The following CDH13 variants were observed in gnomAD, a reference collection of about 807,000 sequenced individuals.
CDH13 encodes the protein cadherin-13.
A neutral mutation model predicts 63.8 loss-of-function variants in CDH13; 24 were observed. That is an observed-to-expected ratio of 0.38 (90% confidence interval 0.27 to 0.53). The LOEUF is 0.53. Ranked by LOEUF, CDH13 falls within the 20% of genes least tolerant of loss-of-function variation. The pLI is 0.85. For synonymous variants in CDH13, 503 were observed against 355.3 expected (o/e 1.42, Z -4.67); for missense variants, 1,049 against 903.1 (o/e 1.16, Z -2.07).
intron 1 of CDH13, among the ~76,000 whole-genome samples, chr16:82,842,112 G>GTATATATATATATATA (rs1239169050): frequency 8.5e-5 from 5 of 58,964 alleles, no homozygotes; most frequent in South Asian, 4.9e-4. Context: ...ATATATATAT[G>GTATATATATATATATA]TATATATATA....
chr16:82,740,471 G>A (rs1049581123), intron 1 of CDH13, among the ~76,000 whole-genome samples: 2 of 152,212 alleles, frequency 1.3e-5, no homozygotes, highest in African/African-American at 4.8e-5. Context: ...GGTGGAATAT[G>A]CCAGTGTATC....
At chr16:82,666,199 C>G (rs546688289) in intron 1 of CDH13, among the ~76,000 whole-genome samples, 14 of 152,230 alleles carry the variant, frequency 9.2e-5, no homozygotes, top group Admixed American at 7.8e-4. Context: ...ATGTGTTTAT[C>G]CTTAGGTGTT....
chr16:83,559,824 T>G (rs1416082549), intron 7 of CDH13, among the ~76,000 whole-genome samples: 1 of 152,170 alleles, frequency 6.6e-6, no homozygotes, highest in Non-Finnish European at 1.5e-5. Context: ...ACAGCGTCTT[T>G]TTGAAACTTG....
chr16:82,965,430 C>G (rs2151353662), intron 2 of CDH13, among the ~76,000 whole-genome samples: 1 of 152,348 alleles, frequency 6.6e-6, no homozygotes, highest in Non-Finnish European at 1.5e-5. Context: ...TTGGATGAGA[C>G]TATCAATGTA....
intron 5 of CDH13, among the ~76,000 whole-genome samples, chr16:83,274,029 G>A (rs1293147393): frequency 1.3e-5 from 2 of 152,054 alleles, no homozygotes; most frequent in African/African-American, 2.4e-5. Flanking sequence ...CACTTACCTG[G>A]GGTTAAGCTC....
At chr16:83,348,673 T>A (rs1409376849) in intron 6 of CDH13, among the ~76,000 whole-genome samples, 2 of 152,238 alleles carry the variant, frequency 1.3e-5, no homozygotes, top group African/African-American at 4.8e-5. Context: ...TAGAGCTGTG[T>A]TTGACGCTGT....
intron 4 of CDH13, among the ~76,000 whole-genome samples, chr16:83,128,816 T>C (rs922647625): frequency 6.6e-6 from 1 of 152,202 alleles, no homozygotes; most frequent in Non-Finnish European, 1.5e-5. Flanking sequence ...AGCTGAGGAC[T>C]CACTTCTTCT....
intron 8 of CDH13, among the ~76,000 whole-genome samples, chr16:83,664,616 C>T (rs1168157581): frequency 6.6e-6 from 1 of 151,554 alleles, no homozygotes; most frequent in East Asian, 1.9e-4. Flanking sequence ...TGTTCTCATA[C>T]GTTTTCTTCT....
intron 5 of CDH13, among the ~76,000 whole-genome samples, chr16:83,306,316 G>A (rs2089877969): frequency 6.6e-6 from 1 of 152,288 alleles, no homozygotes; most frequent in African/African-American, 2.4e-5. Context: ...GGGGGTGTCG[G>A]GAGCGGGGAG....
At chr16:83,749,392 T>C (rs566294743) in intron 11 of CDH13, among the ~76,000 whole-genome samples, 2 of 152,146 alleles carry the variant, frequency 1.3e-5, no homozygotes, top group African/African-American at 4.8e-5. Flanking sequence ...GAAAGACGGG[T>C]AGGATTCGGA....
At chr16:82,687,369 G>C (rs1324752169) in intron 1 of CDH13, among the ~76,000 whole-genome samples, 1 of 152,152 alleles carries the variant, frequency 6.6e-6, no homozygotes, top group East Asian at 1.9e-4. Context: ...GTCTATGTGG[G>C]TGTATTAGTC....
chr16:83,508,680 A>C (rs991631941), intron 7 of CDH13, among the ~76,000 whole-genome samples: 3 of 152,260 alleles, frequency 2.0e-5, no homozygotes, highest in Non-Finnish European at 4.4e-5. Context: ...GTCCACAGAG[A>C]TAATCTGCCC....
chr16:83,010,592 T>A (rs1914050117), intron 2 of CDH13, among the ~76,000 whole-genome samples: 2 of 152,186 alleles, frequency 1.3e-5, no homozygotes, highest in Non-Finnish European at 2.9e-5. Flanking sequence ...ACTTTGAAAT[T>A]TCTGTTGCAC....
intron 1 of CDH13, among the ~76,000 whole-genome samples, chr16:82,853,826 A>G (rs2039586299): frequency 6.6e-6 from 1 of 152,244 alleles, no homozygotes; most frequent in African/African-American, 2.4e-5. Context: ...GGCATTAAAG[A>G]TAAATTTGGA....
intron 1 of CDH13, among the ~76,000 whole-genome samples, chr16:82,748,058 G>T (rs1479051974): frequency 6.6e-6 from 1 of 151,994 alleles, no homozygotes; most frequent in African/African-American, 2.4e-5. Flanking sequence ...AATGCCTTCC[G>T]TGGGTCCAGA....
At chr16:83,398,969 T>C (rs1050052975) in intron 6 of CDH13, among the ~76,000 whole-genome samples, 1 of 152,220 alleles carries the variant, frequency 6.6e-6, no homozygotes, top group Admixed American at 6.5e-5. Context: ...CCATAATGGA[T>C]GCTATTTACA....
chr16:83,302,766 C>T (rs1032336255), intron 5 of CDH13, among the ~76,000 whole-genome samples: 1 of 152,166 alleles, frequency 6.6e-6, no homozygotes, highest in African/African-American at 2.4e-5. Flanking sequence ...AGGAGGGACA[C>T]CAAGCCCAGC....
chr16:82,898,938 T>C (rs2041363587), intron 2 of CDH13, among the ~76,000 whole-genome samples: 1 of 152,254 alleles, frequency 6.6e-6, no homozygotes, highest in African/African-American at 2.4e-5. Context: ...GATATGGGCT[T>C]CCCTGGAAGG....
intron 6 of CDH13, among the ~76,000 whole-genome samples, chr16:83,443,337 A>G (rs1344552162): frequency 3.9e-5 from 6 of 152,184 alleles, no homozygotes; most frequent in African/African-American, 1.4e-4. Flanking sequence ...GAAAGAATCT[A>G]AGGAGTGAGC....
Sources: allele counts gnomAD v4.1 joint callset (sites outside exome capture counted in the v4.1 genomes callset), GRCh38; gene constraint gnomAD v4.1.1; transcripts MANE v1.5; gene names NCBI Gene and HGNC (gene_info 2026-07-23, HGNC 2026-07-21).